TBC1D19: variants seen among roughly 807,000 people sequenced by gnomAD.
TBC1D19 encodes the protein TBC1 domain family member 19.
TBC1D19 carries 60 observed loss-of-function variants against 89.0 expected under a neutral mutation model. The ratio of observed to expected loss-of-function variants is 0.67; its 90% CI spans 0.55 to 0.84. The LOEUF is 0.84. Among genes scored for constraint, TBC1D19 ranks in the 40% least tolerant of loss-of-function variants. The pLI is 0.00. For missense variants in TBC1D19, 500 were observed against 610.8 expected (o/e 0.82, Z 1.91); for synonymous variants, 189 against 199.7 (o/e 0.95, Z 0.45).
At chr4:26,650,795 A>G (rs1238734663) in intron 7 of TBC1D19, among the ~76,000 whole-genome samples, 2 of 152,160 alleles carry the variant, frequency 1.3e-5, no homozygotes, top group African/African-American at 4.8e-5. Context: ...GCCCATGCCT[A>G]TGTCCTGAAT....
the TBC1D19 span, among the ~76,000 whole-genome samples, chr4:26,774,120 G>A: frequency 6.6e-6 from 1 of 152,162 alleles, no homozygotes; most frequent in Non-Finnish European, 1.5e-5. Flanking sequence ...CTTTTGGGGG[G>A]CAGGGCTCCT....
chr4:26,629,497 G>C (rs1439589331), intron 4 of TBC1D19, among the ~76,000 whole-genome samples: 1 of 151,934 alleles, frequency 6.6e-6, no homozygotes, highest in East Asian at 1.9e-4. Context: ...GTAGATAATA[G>C]ATATTTTAAA....
At chr4:26,812,711 T>C in the TBC1D19 span, among the ~76,000 whole-genome samples, 1 of 151,952 alleles carries the variant, frequency 6.6e-6, no homozygotes, top group South Asian at 2.1e-4. This position sits in a 1 kb window ranked among gnomAD's most constrained non-coding sequence, Gnocchi z 4.2. Context: ...TAATTAATAA[T>C]ATTTAAAGCT....
chr4:26,700,439 C>T (rs1017082730), intron 13 of TBC1D19, among the ~76,000 whole-genome samples: 2 of 151,864 alleles, frequency 1.3e-5, no homozygotes, highest in African/African-American at 2.4e-5. Flanking sequence ...CTTCAAATAT[C>T]TTTGTGGCCT....
chr4:26,786,650 T>A, the TBC1D19 span, among the ~76,000 whole-genome samples: 1 of 151,106 alleles, frequency 6.6e-6, no homozygotes, highest in Admixed American at 6.6e-5. Flanking sequence ...TCTTGCTGCA[T>A]GTAGGTTTTT....
intron 4 of TBC1D19, among the ~76,000 whole-genome samples, chr4:26,622,303 T>A (rs1742108451): frequency 6.6e-6 from 1 of 152,170 alleles, no homozygotes; most frequent in Non-Finnish European, 1.5e-5. Flanking sequence ...TGGGCCTGAA[T>A]ATTTTTTAGT....
At chr4:26,723,791 A>G (rs1172751844) in intron 15 of TBC1D19, among the ~76,000 whole-genome samples, 6 of 152,190 alleles carry the variant, frequency 3.9e-5, no homozygotes. Flanking sequence ...TAGGAGGGTG[A>G]TCCACAGTAA....
intron 1 of TBC1D19, among the ~76,000 whole-genome samples, chr4:26,602,673 A>T (rs1402475572): frequency 6.6e-6 from 1 of 151,582 alleles, no homozygotes; most frequent in African/African-American, 2.4e-5. Flanking sequence ...ATCTCCTGAC[A>T]TTGTGATCCA....
At chr4:26,829,252 C>A in the TBC1D19 span, among the ~76,000 whole-genome samples, 8 of 152,216 alleles carry the variant, frequency 5.3e-5, no homozygotes, top group Non-Finnish European at 7.3e-5. Flanking sequence ...AAATAATACA[C>A]AGACCATGTC....
the TBC1D19 span, among the ~76,000 whole-genome samples, chr4:26,842,916 C>T: frequency 6.6e-6 from 1 of 152,060 alleles, no homozygotes; most frequent in Non-Finnish European, 1.5e-5. Context: ...TTTCATTTTT[C>T]TCTGTTCTTT....
At chr4:26,774,484 A>G in the TBC1D19 span, among the ~76,000 whole-genome samples, 1 of 152,188 alleles carries the variant, frequency 6.6e-6, no homozygotes, top group Non-Finnish European at 1.5e-5. Context: ...TTGTCATGGT[A>G]TATCTCTGCA....
At chr4:26,704,499 T>C (rs1293948130) in intron 13 of TBC1D19, among the ~76,000 whole-genome samples, 3 of 152,192 alleles carry the variant, frequency 2.0e-5, no homozygotes, top group Non-Finnish European at 4.4e-5. Context: ...TTATAGATAT[T>C]TTAACGCTAT....
At chr4:26,693,379 C>A (rs2109176476) in intron 13 of TBC1D19, among the ~76,000 whole-genome samples, 1 of 152,166 alleles carries the variant, frequency 6.6e-6, no homozygotes, top group South Asian at 2.1e-4. Flanking sequence ...ATTCAAAGAA[C>A]TAAAGGAAGC....
chr4:26,639,246 G>T (rs1044688258), intron 6 of TBC1D19, among the ~76,000 whole-genome samples: 1 of 151,948 alleles, frequency 6.6e-6, no homozygotes, highest in African/African-American at 2.4e-5. Context: ...ATGGGGTTTT[G>T]CTATGTTGCC....
At chr4:26,724,703 C>T (rs1268420285) in intron 15 of TBC1D19, among the ~76,000 whole-genome samples, 1 of 152,166 alleles carries the variant, frequency 6.6e-6, no homozygotes, top group African/African-American at 2.4e-5. Flanking sequence ...AGGCTGTTTA[C>T]AACTGTATGT....
At chr4:26,695,897 T>A (rs1198207781) in intron 13 of TBC1D19, among the ~76,000 whole-genome samples, 2 of 152,036 alleles carry the variant, frequency 1.3e-5, no homozygotes, top group Non-Finnish European at 2.9e-5. Flanking sequence ...CCAGCCACTA[T>A]AAAAACATGA....
intron 13 of TBC1D19, among the ~76,000 whole-genome samples, chr4:26,710,450 G>T (rs1375594313): frequency 6.6e-6 from 1 of 152,122 alleles, no homozygotes; most frequent in Non-Finnish European, 1.5e-5. Flanking sequence ...ATTTGGGTTG[G>T]TTCCAAGTCT....
the TBC1D19 span, among the ~76,000 whole-genome samples, chr4:26,804,893 A>T: frequency 6.6e-6 from 1 of 152,258 alleles, no homozygotes; most frequent in African/African-American, 2.4e-5. Context: ...ATGGGCAGAC[A>T]GCTGAGATAT....
chr4:26,837,717 G>A, the TBC1D19 span, among the ~76,000 whole-genome samples: 97 of 152,226 alleles, frequency 6.4e-4, 1 homozygote, highest in Middle Eastern at 0.02. Context: ...ACAGGACACC[G>A]GATGAGATCA....
Sources: allele counts gnomAD v4.1 joint callset (sites outside exome capture counted in the v4.1 genomes callset), GRCh38; gene constraint gnomAD v4.1.1; non-coding constraint Gnocchi (gnomAD v3.1); transcripts MANE v1.5; gene names NCBI Gene and HGNC (gene_info 2026-07-23, HGNC 2026-07-21).